CPNE1: variants seen among roughly 807,000 people sequenced by gnomAD.
CPNE1 encodes copine-1.
CPNE1 carries 58 observed loss-of-function variants against 63.2 expected under a neutral mutation model. The ratio of observed to expected loss-of-function variants is 0.92; its 90% CI spans 0.74 to 1.14. The LOEUF (loss-of-function observed/expected upper bound fraction) is 1.14, where lower values mean the gene tolerates loss of function less well. Ranked by LOEUF, CPNE1 falls within the 50% of genes most tolerant of loss-of-function variation. The pLI, the probability that CPNE1 is intolerant of heterozygous loss-of-function variation, is 0.00. For missense variants in CPNE1, 672 were observed against 661.7 expected (o/e 1.02, Z -0.17); for synonymous variants, 237 against 249.0 (o/e 0.95, Z 0.45).
intron 1 of CPNE1, among the ~76,000 whole-genome samples, chr20:35,648,224 G>C (rs2033263135): frequency 6.6e-6 from 1 of 152,110 alleles, no homozygotes. Flanking sequence ...AAAATGATCA[G>C]ATTCTATACT....
At chr20:35,659,664 T>C (rs1168847117) in intron 1 of CPNE1, among the ~76,000 whole-genome samples, 1 of 151,948 alleles carries the variant, frequency 6.6e-6, no homozygotes, top group African/African-American at 2.4e-5. Context: ...AAAATTTAAA[T>C]AAATAAAATA....
intron 1 of CPNE1, among the ~76,000 whole-genome samples, chr20:35,657,465 T>TGAGA (rs553443083): frequency 6.6e-6 from 1 of 151,056 alleles, no homozygotes; most frequent in Non-Finnish European, 1.5e-5. Context: ...CAAAACAACT[T>TGAGA]GAGAGAGAGA....
chr20:35,640,136 C>A (rs2032724667), intron 1 of CPNE1, among the ~76,000 whole-genome samples: 1 of 152,162 alleles, frequency 6.6e-6, no homozygotes, highest in Non-Finnish European at 1.5e-5. Context: ...ATAAACAAAT[C>A]TTTTCCATCT....
intron 13 of CPNE1, 133 bp from the exon 14 acceptor site, chr20:35,627,546 GGTACTTAACT>G (rs998104313): frequency 9.2e-6 from 8 of 868,350 alleles, no homozygotes; most frequent in Admixed American, 3.0e-5. Flanking sequence ...TGTAAACCAG[GGTACTTAACT>G]GTCTCCTACA....
At position 35,631,558 on chromosome 20, in the gene CPNE1, G is replaced by A. The variant is rs2230219; in HGVS notation, c.648C>T (p.Asp216=). Residue 216 remains aspartate (D), a synonymous_variant, in exon 8 of 16, where the codon GAC becomes GAT. Coordinates refer to ENST00000397443, the MANE Select transcript of CPNE1 (RefSeq NM_152925.3). ...CGATGAGATCATGTGACCCGTCACT[G>A]TCATAATCGGAGCATTGCACCTGAG... ...TPIQVQCSDY[D]SDGSHDLIGT... 0.05 allele frequency: 80,050 copies of A among 1,613,294 alleles called. 3,019 individuals are homozygous for A. Among genetic ancestry groups the A allele is most frequent in the South Asian group, 0.17 (15,544 of 91,036 alleles).
intron 1 of CPNE1, chr20:35,652,464 A>G: frequency 6.6e-7 from 1 of 1,522,540 alleles, no homozygotes. Context: ...TAGGAAAACA[A>G]TCTGGATGCA....
At position 35,631,307 on chromosome 20, in the gene CPNE1, GCTTTT is replaced by G; in HGVS notation, c.757_761del (p.Lys253LeufsTer49). The G allele has an allele frequency of 4.3e-6, 7 of 1,614,152 alleles. No individual in the cohort carries two copies. The highest frequency in any genetic ancestry group is 5.9e-6 in the Non-Finnish European group (7 of 1,180,028). ...CACGGATAGTTCCAGAGTTCTTGTA[GCTTTT>G]CTTTTTCTGCTGCTTCTCAGGGTGG... On this transcript the variant is annotated frameshift_variant, in exon 9 of 16. Coordinates refer to ENST00000397443, the MANE Select transcript of CPNE1 (RefSeq NM_152925.3). LOFTEE classifies it high-confidence loss of function.
intron 12 of CPNE1, 65 bp downstream of exon 12, chr20:35,630,676 C>T: frequency 6.3e-7 from 1 of 1,581,890 alleles, no homozygotes; most frequent in East Asian, 2.2e-5. Flanking sequence ...AGTAAATTTA[C>T]CACATCCCCC....
Position 35,626,745 on chromosome 20 carries a change from CGTGTGGCTTCCACATCCGTCACA to C in CPNE1, c.1272_1294del (p.Val425Ter). ...GTTCGAGGCACGCACCACAGCCTCACGTGTGGCTTCCACATCCGTCACAGCACCATCAGTCAGCAGCAACAGCA... is the reference window on the plus strand; with the variant it reads ...GTTCGAGGCACGCACCACAGCCTCACGCACCATCAGTCAGCAGCAACAGCA... On this transcript the variant is annotated frameshift_variant, in exon 15 of 16. Transcript: ENST00000397443. LOFTEE classifies it high-confidence loss of function. 2 of 1,614,186 alleles carry C rather than the reference CGTGTGGCTTCCACATCCGTCACA, an allele frequency of 1.2e-6. No homozygotes were observed. Among genetic ancestry groups the C allele is most frequent in the Non-Finnish European group, 1.7e-6 (2 of 1,180,040 alleles).
chr20:35,626,382 C>A lies in CPNE1; in HGVS notation c.1474-1G>T. The A allele has an allele frequency of 1.9e-6, 3 of 1,613,718 alleles. No homozygotes were observed. The highest frequency in any genetic ancestry group is 2.5e-6 in the Non-Finnish European group (3 of 1,179,702). On this transcript the variant is annotated splice_acceptor_variant, in intron 15 of 15. Transcript: ENST00000397443. LOFTEE classifies it high-confidence loss of function. ...TCTGTGCCAATGCCTCCCGAGGGGC[C>A]TGCCAAGAAAAGGGAAAAGTCAGTG...
intron 1 of CPNE1, chr20:35,655,377 A>G (rs1221381942): frequency 8.6e-6 from 13 of 1,515,592 alleles, no homozygotes; most frequent in Non-Finnish European, 1.2e-5. Context: ...GCCAGGTCAG[A>G]CTCCTGTTTA....
chr20:35,645,970 T>C (rs924680118), intron 1 of CPNE1, among the ~76,000 whole-genome samples: 5 of 151,912 alleles, frequency 3.3e-5, no homozygotes, highest in Non-Finnish European at 7.4e-5. Flanking sequence ...AGGCCAGGCA[T>C]AGTGGCTCAC....
chr20:35,632,057 AG>A (rs201261389), intron 5 of CPNE1, 32 bp from the exon 6 acceptor site: 31,980 of 1,609,528 alleles, frequency 0.02, 414 homozygotes, highest in Non-Finnish European at 0.024. Flanking sequence ...TACAAGACTC[AG>A]GAACAAACAA....
chr20:35,663,673 C>T (rs977180037), intron 1 of CPNE1, among the ~76,000 whole-genome samples: 4 of 152,132 alleles, frequency 2.6e-5, no homozygotes, highest in Non-Finnish European at 4.4e-5. Flanking sequence ...AAATGTTTAG[C>T]ACTTAATACT....
At chr20:35,630,305 T>C in intron 13 of CPNE1, 134 bp downstream of exon 13, 1 of 738,720 alleles carries the variant, frequency 1.4e-6, no homozygotes, top group South Asian at 1.9e-5. Flanking sequence ...AAAAAATAAA[T>C]TAAACTAAAA....
At chr20:35,653,322 A>G (rs747644264) in intron 1 of CPNE1, 1 of 1,613,682 alleles carries the variant, frequency 6.2e-7, no homozygotes, top group Non-Finnish European at 8.5e-7. Flanking sequence ...CTGCACCGGG[A>G]AGTCCTGCAC....
intron 1 of CPNE1, chr20:35,643,148 G>C (rs764659024): frequency 3.2e-5 from 5 of 156,936 alleles, no homozygotes; most frequent in Non-Finnish European, 7.3e-5. Flanking sequence ...AAGCAGGATA[G>C]GGCCATCTGG....
chr20:35,648,864 A>AAAAAC (rs755754241), intron 1 of CPNE1: 15 of 152,638 alleles, frequency 9.8e-5, no homozygotes, highest in Non-Finnish European at 2.2e-4. Flanking sequence ...TTTCAGGTTT[A>AAAAAC]AAAACAAAAC....
intron 1 of CPNE1, among the ~76,000 whole-genome samples, chr20:35,661,626 C>T (rs2146381287): frequency 6.6e-6 from 1 of 152,274 alleles, no homozygotes; most frequent in South Asian, 2.1e-4. Flanking sequence ...ATACCGGATG[C>T]ATGCACAAAT....
Sources: gnomAD v4.1 joint callset for allele counts (sites outside exome capture counted in the v4.1 genomes callset) on GRCh38, gnomAD v4.1.1 for gene constraint, MANE v1.5 for transcripts, NCBI Gene and HGNC (gene_info 2026-07-23, HGNC 2026-07-21) for gene names.